The following MED14 variants were observed in gnomAD, a reference collection of about 807,000 sequenced individuals.
The protein encoded by MED14 is mediator of RNA polymerase II transcription subunit 14.
MED14 carries 8 observed loss-of-function variants against 109.0 expected under a neutral mutation model. That is an observed-to-expected ratio of 0.07 (90% CI 0.04 to 0.13). MED14 has a LOEUF of 0.13. Among genes scored for constraint, MED14 ranks in the 10% least tolerant of loss-of-function variants. The pLI, the probability that MED14 is intolerant of heterozygous loss-of-function variation, is 1.00. For synonymous variants in MED14, 399 were observed against 408.7 expected (o/e 0.98, Z 0.29); for missense variants, 711 against 1,142.4 (o/e 0.62, Z 5.44).
chrX:40,678,052 C>T (rs1279951391), intron 21 of MED14, among the ~76,000 whole-genome samples: 1 of 111,030 alleles, frequency 9.0e-6, no homozygotes, highest in Non-Finnish European at 1.9e-5. Context: ...CCCCACCCCC[C>T]ATGTACCTTC....
chrX:40,680,638 G>T, intron 20 of MED14, 120 bp downstream of exon 20: 1 of 584,606 alleles, frequency 1.7e-6, no homozygotes, highest in Non-Finnish European at 2.6e-6. Flanking sequence ...AGCTGGTCTT[G>T]AACTCCTGAG....
rs748906781 is a variant in MED14 at position 40,697,165 on chromosome X, C to T, written c.1509G>A (p.Gln503=). 19 of 1,194,448 alleles carry T rather than the reference C, an allele frequency of 1.6e-5. No homozygotes were observed. In the Admixed American group the frequency reaches 4.0e-4, roughly 25 times the overall value. The stretch of plus-strand genomic sequence containing the variant: ...GATGTTTTATAGACTGCTTGCAACG[C>T]TGTTGTCCAAGCCAAAACCTGAATT... The part of the protein sequence containing the change: ...IQQLKFWLGQ[Q]RCKQSIKHLP... Residue 503 remains glutamine, a synonymous_variant, in exon 13 of 31, where the codon CAG becomes CAA. Transcript: ENST00000324817.
intron 15 of MED14, among the ~76,000 whole-genome samples, chrX:40,690,304 C>T (rs776816588): frequency 9.3e-4 from 104 of 111,596 alleles, no homozygotes; most frequent in African/African-American, 3.4e-3. Flanking sequence ...GCTTGGGTTT[C>T]TCTCTGGGCT....
At chrX:40,683,935 C>T (rs1162047487) in intron 16 of MED14, among the ~76,000 whole-genome samples, 1 of 111,589 alleles carries the variant, frequency 9.0e-6, no homozygotes, top group Non-Finnish European at 1.9e-5. Context: ...TCTCATTGGT[C>T]ATAAAACATG....
At chrX:40,734,144 A>G (rs1932170691) in intron 1 of MED14, among the ~76,000 whole-genome samples, 1 of 111,965 alleles carries the variant, frequency 8.9e-6, no homozygotes, top group South Asian at 3.7e-4. Context: ...TTGGATTTTT[A>G]TGAAATCCAA....
rs1928776688 is a variant in MED14 at position 40,649,428 on chromosome X, G to A, written c.*2378C>T. On this transcript the variant is annotated 3_prime_UTR_variant, in exon 31 of 31. Coordinates refer to ENST00000324817, the MANE Select transcript of MED14 (RefSeq NM_004229.4). The stretch of plus-strand genomic sequence containing the variant: ...TACATTCTGAAATGGCATTTCAGCA[G>A]ATGGAAAAATGAAGGTGGCAAATCA... 1.0e-5 allele frequency: 2 copies of A among 194,322 alleles called. No homozygotes were observed. Among genetic ancestry groups the A allele is most frequent in the African/African-American group, 3.2e-5 (1 of 31,659 alleles). 16.0% of individuals were successfully genotyped at this position (194,322 alleles called of 1,213,427 possible). A position where few individuals can be genotyped will look rare whatever the true frequency, so the allele number is the denominator to read the frequency against.
chrX:40,695,818 G>A (rs1285675108), intron 13 of MED14, among the ~76,000 whole-genome samples: 1 of 112,048 alleles, frequency 8.9e-6, no homozygotes, highest in Non-Finnish European at 1.9e-5. Flanking sequence ...TAAGTATCCC[G>A]AGCTTAAGAT....
At chrX:40,694,117 T>C (rs1483265618) in intron 13 of MED14, among the ~76,000 whole-genome samples, 1 of 111,611 alleles carries the variant, frequency 9.0e-6, no homozygotes, top group African/African-American at 3.3e-5. Context: ...CAAGCTGGTC[T>C]TGAACTGCTG....
intron 3 of MED14, among the ~76,000 whole-genome samples, chrX:40,725,197 G>C (rs1420139049): frequency 2.7e-5 from 3 of 111,343 alleles, no homozygotes; most frequent in Non-Finnish European, 5.7e-5. Context: ...TTGTCTCCCA[G>C]CAAATAAAAG....
chrX:40,674,482 G>C (rs116833710), intron 22 of MED14, among the ~76,000 whole-genome samples: 277 of 112,348 alleles, frequency 2.5e-3, no homozygotes, highest in African/African-American at 8.5e-3. Context: ...AAAGCTTCTG[G>C]ATGAGAAGCA....
At chrX:40,688,260 A>C (rs1029914571) in intron 16 of MED14, among the ~76,000 whole-genome samples, 194 bp downstream of exon 16, 1 of 111,884 alleles carries the variant, frequency 8.9e-6, no homozygotes, top group African/African-American at 3.3e-5. Context: ...AACAAAAAAA[A>C]CAAAACCAAG....
chrX:40,705,906 T>C (rs1423749148), intron 10 of MED14, among the ~76,000 whole-genome samples: 1 of 111,537 alleles, frequency 9.0e-6, no homozygotes, highest in African/African-American at 3.3e-5. Flanking sequence ...AAGTTACCTT[T>C]AGTACCTTGC....
At chrX:40,733,912 G>C (rs984325757) in intron 1 of MED14, among the ~76,000 whole-genome samples, 2 of 111,917 alleles carry the variant, frequency 1.8e-5, no homozygotes, top group Admixed American at 1.9e-4. Flanking sequence ...ATCACATAAA[G>C]GGTGTGGGAC....
At chrX:40,721,439 T>C (rs1931713149) in intron 3 of MED14, among the ~76,000 whole-genome samples, 1 of 112,133 alleles carries the variant, frequency 8.9e-6, no homozygotes, top group Admixed American at 9.3e-5. Context: ...CAGGAAGGAA[T>C]TCGTATTGTG....
At chrX:40,668,483 CTTAT>C (rs1338756100) in intron 23 of MED14, among the ~76,000 whole-genome samples, 8 of 109,418 alleles carry the variant, frequency 7.3e-5, no homozygotes, top group African/African-American at 1.7e-4. Flanking sequence ...GAAACGTTAA[CTTAT>C]TTAAAGGCAC....
chrX:40,659,909 T>C (rs1417453151), intron 26 of MED14: 1 of 169,083 alleles, frequency 5.9e-6, no homozygotes, highest in Non-Finnish European at 1.1e-5. Context: ...ATAGAAAACA[T>C]AGGGATCAAA....
chrX:40,670,782 A>T (rs867668481), intron 23 of MED14, among the ~76,000 whole-genome samples: 1 of 103,500 alleles, frequency 9.7e-6, no homozygotes, highest in Non-Finnish European at 2.0e-5. Flanking sequence ...AAAAAAAAAA[A>T]TAAAAAAAAT....
At position 40,735,427 on chromosome X, in the gene MED14, G is replaced by C. The variant is rs1009343967; in HGVS notation, c.-15C>G. The C allele has an allele frequency of 1.2e-4, 137 of 1,115,884 alleles. No individual in the cohort carries two copies. The highest frequency in any genetic ancestry group is 1.5e-4 in the Non-Finnish European group (126 of 846,626). The allele number at this position is 1,115,884 out of a possible 1,213,427, so 92.0% of individuals were successfully genotyped here. On this transcript the variant is annotated 5_prime_UTR_variant, in exon 1 of 31. Coordinates refer to ENST00000324817, the MANE Select transcript of MED14 (RefSeq NM_004229.4). ...ACTGGGGCCATGGCGGCGCAGGACC[G>C]GGCTTGGCGCAACGGCACACGATGC...
At chrX:40,702,962 G>C (rs1931009147) in intron 11 of MED14, among the ~76,000 whole-genome samples, 1 of 111,671 alleles carries the variant, frequency 9.0e-6, no homozygotes, top group African/African-American at 3.3e-5. Context: ...CTCAGTAACA[G>C]AACAAGTAAG....
Sources: allele counts gnomAD v4.1 joint callset (sites outside exome capture counted in the v4.1 genomes callset), GRCh38; gene constraint gnomAD v4.1.1; transcripts MANE v1.5; gene names NCBI Gene and HGNC (gene_info 2026-07-23, HGNC 2026-07-21).